The following VRK2 variants were observed in gnomAD, a reference collection of about 807,000 sequenced individuals.
VRK2 encodes the protein serine/threonine-protein kinase VRK2.
Under a neutral mutation model 57.6 loss-of-function variants are expected in VRK2, and 60 were observed. That is an observed-to-expected ratio of 1.04 (90% CI 0.85 to 1.29). The LOEUF (loss-of-function observed/expected upper bound fraction) is 1.29. Ranked by LOEUF, VRK2 falls within the 50% of genes most tolerant of loss-of-function variation. VRK2 has a pLI of 0.00. For synonymous variants in VRK2, 231 were observed against 199.2 expected (o/e 1.16, Z -1.35); for missense variants, 705 against 588.1 (o/e 1.20, Z -2.06).
intron 8 of VRK2, among the ~76,000 whole-genome samples, chr2:58,129,798 ACT>A (rs1281889863): frequency 9.9e-5 from 15 of 151,940 alleles, no homozygotes; most frequent in African/African-American, 3.4e-4. Flanking sequence ...ATTTTTAGTC[ACT>A]CTTCAGTGTG....
chr2:58,091,734 G>C (rs982216786), intron 7 of VRK2, among the ~76,000 whole-genome samples: 6 of 151,934 alleles, frequency 3.9e-5, no homozygotes, highest in Non-Finnish European at 7.4e-5. Context: ...CCTTGTTAAA[G>C]CGATGATCGA....
intron 1 of VRK2, among the ~76,000 whole-genome samples, chr2:57,917,411 G>T (rs1327510273): frequency 2.0e-5 from 3 of 151,474 alleles, no homozygotes; most frequent in Non-Finnish European, 4.4e-5. Context: ...AGTGACCTGA[G>T]ATCTCAATAT....
At chr2:58,034,889 G>A (rs936883537) in intron 3 of VRK2, among the ~76,000 whole-genome samples, 1 of 151,920 alleles carries the variant, frequency 6.6e-6, no homozygotes, top group East Asian at 1.9e-4. Context: ...GGATTCAGTG[G>A]TGCCAGGTCA....
intron 2 of VRK2, among the ~76,000 whole-genome samples, chr2:58,055,195 C>T (rs1409575478): frequency 6.6e-6 from 1 of 152,162 alleles, no homozygotes; most frequent in Non-Finnish European, 1.5e-5. Flanking sequence ...TGATTGGCAC[C>T]TATGCCCTAT....
At chr2:58,135,280 T>A in intron 10 of VRK2, 81 bp downstream of exon 10, 2 of 1,493,252 alleles carry the variant, frequency 1.3e-6, no homozygotes, top group Non-Finnish European at 1.9e-6. Context: ...AGCTTTTGCT[T>A]AACCCACTTG....
At chr2:58,037,779 A>G (rs912841661) in intron 3 of VRK2, among the ~76,000 whole-genome samples, 2 of 152,132 alleles carry the variant, frequency 1.3e-5, no homozygotes, top group African/African-American at 4.8e-5. Flanking sequence ...AAATGATCAA[A>G]CTGAGTAGAA....
intron 1 of VRK2, among the ~76,000 whole-genome samples, chr2:58,023,952 T>C (rs538435335): frequency 6.6e-6 from 1 of 151,990 alleles, no homozygotes; most frequent in East Asian, 1.9e-4. Context: ...TGAGTATTAA[T>C]GATGAACAAT....
At chr2:58,143,088 C>T (rs1018736488) in intron 11 of VRK2, among the ~76,000 whole-genome samples, 2 of 151,720 alleles carry the variant, frequency 1.3e-5, no homozygotes, top group Admixed American at 6.6e-5. Context: ...TAGAATTTAA[C>T]GGTTTACAAA....
intron 9 of VRK2, 130 bp from the exon 10 acceptor site, chr2:58,135,011 G>T: frequency 1.1e-6 from 1 of 880,812 alleles, no homozygotes. Flanking sequence ...TTATAGTTGG[G>T]TGACAAAAAA....
At position 58,135,890 on chromosome 2, in the gene VRK2, T is replaced by C. The variant is rs968178444; in HGVS notation, c.856+691T>C. Among the ~76,000 whole-genome samples the C allele has an allele frequency of 7.2e-5, 11 of 152,180 alleles. No individual in the cohort carries two copies. In the South Asian group the frequency reaches 1.0e-3, roughly 14 times the overall value. On this transcript the variant is annotated intron_variant, in intron 10 of 12. Coordinates refer to ENST00000340157, the MANE Select transcript of VRK2 (RefSeq NM_006296.7). Reference sequence around the variant, plus strand: ...ATTTAACAATTGAGTTAGACTGTCTTATACGAAAAAGCCAGTGCCCACTAT... The same window carrying C: ...ATTTAACAATTGAGTTAGACTGTCTCATACGAAAAAGCCAGTGCCCACTAT...
At chr2:58,128,691 CT>C (rs1182005123) in intron 8 of VRK2, among the ~76,000 whole-genome samples, 1 of 152,102 alleles carries the variant, frequency 6.6e-6, no homozygotes, top group African/African-American at 2.4e-5. Context: ...GATTTCAGTG[CT>C]GAGCTCTATT....
intron 2 of VRK2, among the ~76,000 whole-genome samples, chr2:58,081,290 CTG>C (rs1053582926): frequency 3.3e-5 from 5 of 151,790 alleles, no homozygotes; most frequent in African/African-American, 9.7e-5. Context: ...GCAATAAAAA[CTG>C]TGTCATAACT....
intron 2 of VRK2, among the ~76,000 whole-genome samples, chr2:58,081,795 G>A (rs540247446): frequency 2.6e-4 from 40 of 151,080 alleles, no homozygotes; most frequent in Admixed American, 1.9e-3. Context: ...ATTTAATGAT[G>A]CATCTTATAA....
At chr2:57,944,064 A>G (rs1422081209) in intron 1 of VRK2, among the ~76,000 whole-genome samples, 2 of 152,016 alleles carry the variant, frequency 1.3e-5, no homozygotes, top group Non-Finnish European at 2.9e-5. Context: ...AATGAAAAAC[A>G]AACAAACAGA....
intron 1 of VRK2, among the ~76,000 whole-genome samples, chr2:57,950,542 T>C (rs1327385055): frequency 5.9e-5 from 9 of 152,208 alleles, no homozygotes; most frequent in Non-Finnish European, 1.3e-4. Context: ...AAAATATTAC[T>C]GCTCGTTGAC....
At chr2:57,947,477 G>C (rs1191028884) in intron 1 of VRK2, among the ~76,000 whole-genome samples, 1 of 152,054 alleles carries the variant, frequency 6.6e-6, no homozygotes, top group African/African-American at 2.4e-5. Flanking sequence ...TCCTGCCCTG[G>C]TCTTTCCAAC....
chr2:57,921,196 G>T (rs1670333001), intron 1 of VRK2, among the ~76,000 whole-genome samples: 1 of 151,832 alleles, frequency 6.6e-6, no homozygotes, highest in Non-Finnish European at 1.5e-5. Context: ...CACTTGCGAG[G>T]CCCCTTCTCA....
intron 1 of VRK2, among the ~76,000 whole-genome samples, chr2:57,947,559 G>A: frequency 6.6e-6 from 1 of 152,128 alleles, no homozygotes; most frequent in African/African-American, 2.4e-5. Flanking sequence ...CATCTCCTGG[G>A]TTACAGAGCC....
At chr2:57,912,395 G>A (rs1035931772) in intron 1 of VRK2, among the ~76,000 whole-genome samples, 1 of 152,136 alleles carries the variant, frequency 6.6e-6, no homozygotes, top group African/African-American at 2.4e-5. Flanking sequence ...GTTCATCAGA[G>A]GGATAAGCAA....
Sources: allele counts gnomAD v4.1 joint callset (sites outside exome capture counted in the v4.1 genomes callset), GRCh38; gene constraint gnomAD v4.1.1; transcripts MANE v1.5; gene names NCBI Gene and HGNC (gene_info 2026-07-23, HGNC 2026-07-21).